Variants in GPR27 observed in about 807,000 individuals in gnomAD.
GPR27 encodes probable G protein-coupled receptor 27.
GPR27 carries 3 observed loss-of-function variants against 2.4 expected under a neutral mutation model. The observed-to-expected ratio is 1.23, with a 90% confidence interval of 0.56 to 3.18. The LOEUF (loss-of-function observed/expected upper bound fraction) is 3.18. Among genes scored for constraint, GPR27 ranks in the 30% most tolerant of loss-of-function variants. The probability of loss-of-function intolerance (pLI) is 0.03; values close to 1 mark genes in which losing one functional copy is unlikely to be tolerated. For synonymous variants in GPR27, 367 were observed against 296.4 expected, an observed-to-expected ratio of 1.24 and a Z score of -2.45; for missense variants, 526 against 566.1, an observed-to-expected ratio of 0.93 and a Z score of 0.72.
Position 71,754,908 on chromosome 3 carries a change from T to G in GPR27, c.859T>G (p.Tyr287Asp). Residue 287 changes from tyrosine to aspartate, a missense_variant, in exon 1 of 1, where the codon TAC becomes GAC. By Grantham distance (160) the Tyr-to-Asp change is radical. This residue lies in a region of GPR27 where 98 missense variants were observed against 146.7 expected (regional missense o/e 0.67). Coordinates refer to ENST00000304411, the MANE Select transcript of GPR27 (RefSeq NM_018971.3). The surrounding 1 kb of genome is among the most constrained non-coding windows in gnomAD (Gnocchi z 5.8). ...KTEKRLCKMFYAVTLLFLLLW... is the reference protein window; with the variant it reads ...KTEKRLCKMFDAVTLLFLLLW... Reference sequence around the variant, plus strand: ...GGAGAAGAGGCTGTGCAAGATGTTCTACGCCGTCACGCTGCTCTTCCTGCT... The same window carrying G: ...GGAGAAGAGGCTGTGCAAGATGTTCGACGCCGTCACGCTGCTCTTCCTGCT... 1 of 1,613,352 alleles carries G rather than the reference T, an allele frequency of 6.2e-7. No homozygotes were observed. Among genetic ancestry groups the G allele is most frequent in the Non-Finnish European group, 8.5e-7 (1 of 1,179,766 alleles).
At position 71,755,995 on chromosome 3, in the gene GPR27, T is replaced by C. The variant is rs894857751; in HGVS notation, c.*818T>C. On this transcript the variant is annotated 3_prime_UTR_variant, in exon 1 of 1. Transcript: ENST00000304411. ...ATGTGGAGAAAAATACAGTATTGCATGTGTTCGTGTGTATAGATTGTGGTT... is the reference window on the plus strand; with the variant it reads ...ATGTGGAGAAAAATACAGTATTGCACGTGTTCGTGTGTATAGATTGTGGTT... 1 of 152,194 alleles carries C rather than the reference T, an allele frequency of 6.6e-6. No homozygotes were observed. The highest frequency in any genetic ancestry group is 1.5e-5 in the Non-Finnish European group (1 of 68,040). The allele number at this position is 152,194 out of a possible 1,614,324, so 9.4% of individuals were successfully genotyped here.
chr3:71,755,130 A>G lies in GPR27; in HGVS notation c.1081A>G (p.Thr361Ala). The change falls in exon 1 of 1, where the codon ACC becomes GCC. Residue 361 changes from threonine (T) to alanine (A), a missense_variant. Transcript: ENST00000304411. ...AQFPCCQSPR[T>A]TQATHPCDLK... ...GTTCCCCTGCTGCCAGAGCCCCCGG[A>G]CCACCCAGGCGACCCATCCCTGCGA... 6.2e-7 allele frequency: 1 copy of G among 1,608,892 alleles called. No individual in the cohort carries two copies. Among genetic ancestry groups the G allele is most frequent in the Non-Finnish European group, 8.5e-7 (1 of 1,179,660 alleles).
chr3:71,754,008 G>A lies in GPR27; in HGVS notation c.-42G>A. 1 of 1,089,082 alleles carries A rather than the reference G, an allele frequency of 9.2e-7. No individual in the cohort carries two copies. The highest frequency in any genetic ancestry group is 1.1e-6 in the Non-Finnish European group (1 of 897,278). The allele number at this position is 1,089,082 out of a possible 1,614,324, so 67.5% of individuals were successfully genotyped here. ...GCGGCCTGCGGGAGCGGCGAGGCAG[G>A]GGACGGCCCCGGGGCGGAGCGCACG... On this transcript the variant is annotated 5_prime_UTR_variant, in exon 1 of 1. Coordinates refer to ENST00000304411, the MANE Select transcript of GPR27 (RefSeq NM_018971.3). This position sits in a 1 kb window ranked among gnomAD's most constrained non-coding sequence, Gnocchi z 5.8.
At position 71,754,814 on chromosome 3, in the gene GPR27, T is replaced by C; in HGVS notation, c.765T>C (p.Leu255=). The C allele has an allele frequency of 6.7e-7, 1 of 1,489,644 alleles. No homozygotes were observed. Among genetic ancestry groups the C allele is most frequent in the Non-Finnish European group, 8.9e-7 (1 of 1,119,258 alleles). The allele number at this position is 1,489,644 out of a possible 1,614,324, so 92.3% of individuals were successfully genotyped here. ...GCCGCGGGCCCACGCCGCCCGCGCT[T>C]GTGGGCATCCGGCCCGCAGGGCCGG... ...GFGRGPTPPA[L]VGIRPAGPGR... The change falls in exon 1 of 1, where the codon CTT becomes CTC. Residue 255 remains leucine, a synonymous_variant. Coordinates refer to ENST00000304411, the MANE Select transcript of GPR27 (RefSeq NM_018971.3). The surrounding 1 kb of genome is among the most constrained non-coding windows in gnomAD (Gnocchi z 5.8).
Position 71,756,066 on chromosome 3 carries a change from G to T in GPR27, c.*889G>T, listed in dbSNP as rs903809736. Reference sequence around the variant, plus strand: ...AGAAGCAGAGTACTACATCAAAATTGTTTTAAGTATTTTTTGCCAATAAAA... The same window carrying T: ...AGAAGCAGAGTACTACATCAAAATTTTTTTAAGTATTTTTTGCCAATAAAA... On this transcript the variant is annotated 3_prime_UTR_variant, in exon 1 of 1. Coordinates refer to ENST00000304411, the MANE Select transcript of GPR27 (RefSeq NM_018971.3). 1 of 152,130 alleles carries T rather than the reference G, an allele frequency of 6.6e-6. No individual in the cohort carries two copies. Among genetic ancestry groups the T allele is most frequent in the East Asian group, 1.9e-4 (1 of 5,198 alleles). The allele number at this position is 152,130 out of a possible 1,614,324, so 9.4% of individuals were successfully genotyped here.
rs774620074 is a variant in GPR27, at chr3:71,755,018, C to T, written c.969C>T (p.Ser323=). Reference sequence around the variant, plus strand: ...TCCCCCAGGCCTACCTGACGGCCTCCGTGTGGCTGACCTTCGCGCAGGCCG... The same window carrying T: ...TCCCCCAGGCCTACCTGACGGCCTCTGTGTGGCTGACCTTCGCGCAGGCCG... ...GAVPQAYLTA[S]VWLTFAQAGI... Residue 323 remains serine (S), a synonymous_variant, in exon 1 of 1, where the codon TCC becomes TCT. Coordinates refer to ENST00000304411, the MANE Select transcript of GPR27 (RefSeq NM_018971.3). 4 of 1,613,130 alleles carry T rather than the reference C, an allele frequency of 2.5e-6. No homozygotes were observed. In the Admixed American group the frequency reaches 5.0e-5, roughly 20 times the overall value.
At position 71,754,740 on chromosome 3, in the gene GPR27, G is replaced by A. The variant is rs995110872; in HGVS notation, c.691G>A (p.Gly231Ser). The A allele has an allele frequency of 7.1e-6, 10 of 1,401,748 alleles. No individual in the cohort carries two copies. The Admixed American group carries it at 2.2e-4, about 31-fold the overall frequency. 86.8% of individuals were successfully genotyped at this position (1,401,748 alleles called of 1,614,324 possible). A position where few individuals can be genotyped will look rare whatever the true frequency, so the allele number is the denominator to read the frequency against. ...CGTCAGCCACGACTGGACCTTCCAC[G>A]GCCCGGGCGCCACCGGCCAGGCGGC... Reference protein sequence around the residue: ...PAVSHDWTFHGPGATGQAAAN... With the variant: ...PAVSHDWTFHSPGATGQAAAN... Residue 231 changes from glycine (G) to serine (S), a missense_variant, in exon 1 of 1, where the codon GGC becomes AGC. Gly to Ser is a moderately conservative substitution (Grantham distance 56). Around this residue, in one of 3 missense-constraint regions of GPR27, gnomAD observed 98 missense variants for 146.7 expected, o/e 0.67. Coordinates refer to ENST00000304411, the MANE Select transcript of GPR27 (RefSeq NM_018971.3). The surrounding 1 kb of genome is among the most constrained non-coding windows in gnomAD (Gnocchi z 5.8).
In GPR27 at chr3:71,755,428, C is replaced by CT; in HGVS notation, c.*256dup. On this transcript the variant is annotated 3_prime_UTR_variant, in exon 1 of 1. Coordinates refer to ENST00000304411, the MANE Select transcript of GPR27 (RefSeq NM_018971.3). ...TCTTCCTGACAATAGGCCCTGCAGT[C>CT]TTTTTGTAGCGGTACTGACGTCTTT... 1 of 518,926 alleles carries CT rather than the reference C, an allele frequency of 1.9e-6. No individual in the cohort carries two copies. Among genetic ancestry groups the CT allele is most frequent in the Non-Finnish European group, 3.4e-6 (1 of 293,390 alleles). 32.1% of individuals were successfully genotyped at this position (518,926 alleles called of 1,614,324 possible). A position where few individuals can be genotyped will look rare whatever the true frequency, so the allele number is the denominator to read the frequency against.
At position 71,754,792 on chromosome 3, in the gene GPR27, G is replaced by T; in HGVS notation, c.743G>T (p.Arg248Leu). 7.9e-7 allele frequency: 1 copy of T among 1,269,966 alleles called. No homozygotes were observed. The allele number at this position is 1,269,966 out of a possible 1,614,324, so 78.7% of individuals were successfully genotyped here. A position where few individuals can be genotyped will look rare whatever the true frequency, so the allele number is the denominator to read the frequency against. Residue 248 changes from arginine (R) to leucine (L), a missense_variant, in exon 1 of 1, where the codon CGC (arginine) becomes CTC (leucine). Coordinates refer to ENST00000304411, the MANE Select transcript of GPR27 (RefSeq NM_018971.3). The surrounding 1 kb of genome is among the most constrained non-coding windows in gnomAD (Gnocchi z 5.8). Reference protein sequence around the residue: ...AAANWTAGFGRGPTPPALVGI... With the variant: ...AAANWTAGFGLGPTPPALVGI... ...GCCAACTGGACGGCGGGCTTCGGCC[G>T]CGGGCCCACGCCGCCCGCGCTTGTG...
At position 71,754,991 on chromosome 3, in the gene GPR27, C is replaced by G; in HGVS notation, c.942C>G (p.Ala314=). ...SYLRVLVRPG[A]VPQAYLTASV... ...TGCGGGTCCTGGTGCGGCCCGGCGC[C>G]GTCCCCCAGGCCTACCTGACGGCCT... The change falls in exon 1 of 1, where the codon GCC becomes GCG. Residue 314 remains alanine (A), a synonymous_variant. Transcript: ENST00000304411. This position sits in a 1 kb window ranked among gnomAD's most constrained non-coding sequence, Gnocchi z 5.8. 1 of 1,613,240 alleles carries G rather than the reference C, an allele frequency of 6.2e-7. No homozygotes were observed. Among genetic ancestry groups the G allele is most frequent in the Non-Finnish European group, 8.5e-7 (1 of 1,179,896 alleles).
In GPR27 at chr3:71,754,061, G is replaced by T. The variant is rs1371158229; in HGVS notation, c.12G>T (p.Ala4=). The change falls in exon 1 of 1, where the codon GCG becomes GCT. Residue 4 remains alanine (A), a synonymous_variant. Transcript: ENST00000304411. This position sits in a 1 kb window ranked among gnomAD's most constrained non-coding sequence, Gnocchi z 5.8. MAN[A]SEPGGSGGGE... is the part of the protein sequence containing the mutation. ...CTGGTGAGGCCGCGATGGCGAACGCGAGCGAGCCGGGTGGCAGCGGCGGCG... is the reference window on the plus strand; with the variant it reads ...CTGGTGAGGCCGCGATGGCGAACGCTAGCGAGCCGGGTGGCAGCGGCGGCG... 10 of 1,281,076 alleles carry T rather than the reference G, an allele frequency of 7.8e-6. No homozygotes were observed. Among genetic ancestry groups the T allele is most frequent in the Non-Finnish European group, 1.0e-5 (10 of 1,002,590 alleles). 79.4% of individuals were successfully genotyped at this position (1,281,076 alleles called of 1,614,324 possible).
rs1198408162 is a variant in GPR27, at chr3:71,756,412, T to A, written c.*1235T>A. 6.6e-6 allele frequency: 1 copy of A among 152,246 alleles called. No individual in the cohort carries two copies. Among genetic ancestry groups the A allele is most frequent in the Non-Finnish European group, 1.5e-5 (1 of 68,040 alleles). The allele number at this position is 152,246 out of a possible 1,614,324, so 9.4% of individuals were successfully genotyped here. A position where few individuals can be genotyped will look rare whatever the true frequency, so the allele number is the denominator to read the frequency against. On this transcript the variant is annotated 3_prime_UTR_variant, in exon 1 of 1. Transcript: ENST00000304411. ...ATATTTTTGGCTTATAATGCTACATTTTTATTAATGTACCTTCCGTTTTGA... is the reference window on the plus strand; with the variant it reads ...ATATTTTTGGCTTATAATGCTACATATTTATTAATGTACCTTCCGTTTTGA...
Position 71,754,121 on chromosome 3 carries a change from G to C in GPR27, c.72G>C (p.Thr24=). Residue 24 remains threonine (T), a synonymous_variant, in exon 1 of 1, where the codon ACG becomes ACC. Transcript: ENST00000304411. The surrounding 1 kb of genome is among the most constrained non-coding windows in gnomAD (Gnocchi z 5.8). ...EAAALGLKLA[T]LSLLLCVSLA... ...CCGCCCTGGGCCTCAAGCTGGCCACGCTCAGCCTGCTGCTGTGCGTGAGCC... is the reference window on the plus strand; with the variant it reads ...CCGCCCTGGGCCTCAAGCTGGCCACCCTCAGCCTGCTGCTGTGCGTGAGCC... 1 of 1,428,926 alleles carries C rather than the reference G, an allele frequency of 7.0e-7. No homozygotes were observed. Among genetic ancestry groups the C allele is most frequent in the Middle Eastern group, 2.5e-4 (1 of 3,974 alleles). The allele number at this position is 1,428,926 out of a possible 1,614,324, so 88.5% of individuals were successfully genotyped here.
At position 71,755,421 on chromosome 3, in the gene GPR27, C is replaced by G. The variant is rs968766509; in HGVS notation, c.*244C>G. ...TCGACTTTCTTCCTGACAATAGGCC[C>G]TGCAGTCTTTTTGTAGCGGTACTGA... On this transcript the variant is annotated 3_prime_UTR_variant, in exon 1 of 1. Transcript: ENST00000304411. The G allele has an allele frequency of 1.3e-5, 7 of 530,726 alleles. No homozygotes were observed. Among genetic ancestry groups the G allele is most frequent in the Non-Finnish European group, 2.3e-5 (7 of 300,226 alleles). The allele number at this position is 530,726 out of a possible 1,614,324, so 32.9% of individuals were successfully genotyped here.
At position 71,754,169 on chromosome 3, in the gene GPR27, G is replaced by T. The variant is rs1286436932; in HGVS notation, c.120G>T (p.Ala40=). The T allele has an allele frequency of 6.9e-7, 1 of 1,453,134 alleles. No individual in the cohort carries two copies. Among genetic ancestry groups the T allele is most frequent in the Non-Finnish European group, 9.1e-7 (1 of 1,093,520 alleles). The allele number at this position is 1,453,134 out of a possible 1,614,324, so 90.0% of individuals were successfully genotyped here. ...CVSLAGNVLF[A]LLIVRERSLH... Reference sequence around the variant, plus strand: ...GCCTAGCGGGCAACGTGCTGTTCGCGCTGCTGATCGTGCGGGAGCGCAGCC... The same window carrying T: ...GCCTAGCGGGCAACGTGCTGTTCGCTCTGCTGATCGTGCGGGAGCGCAGCC... The change falls in exon 1 of 1, where the codon GCG becomes GCT. Residue 40 remains alanine, a synonymous_variant. Coordinates refer to ENST00000304411, the MANE Select transcript of GPR27 (RefSeq NM_018971.3). This position sits in a 1 kb window ranked among gnomAD's most constrained non-coding sequence, Gnocchi z 5.8.
chr3:71,755,245 T>A lies in GPR27; in HGVS notation c.*68T>A, dbSNP rs768112590. 8.0e-7 allele frequency: 1 copy of A among 1,253,544 alleles called. No individual in the cohort carries two copies. Among genetic ancestry groups the A allele is most frequent in the Middle Eastern group, 1.9e-4 (1 of 5,144 alleles). The allele number at this position is 1,253,544 out of a possible 1,614,324, so 77.7% of individuals were successfully genotyped here. On this transcript the variant is annotated 3_prime_UTR_variant, in exon 1 of 1. Transcript: ENST00000304411. Reference sequence around the variant, plus strand: ...TGGCTCGGACGGTGACGTTGTATCTTTTCCTTCTGGCCCCTGTTTAATTTT... The same window carrying A: ...TGGCTCGGACGGTGACGTTGTATCTATTCCTTCTGGCCCCTGTTTAATTTT...
Position 71,755,148 on chromosome 3 carries a change from C to G in GPR27, c.1099C>G (p.Pro367Ala). 6.2e-7 allele frequency: 1 copy of G among 1,607,126 alleles called. No individual in the cohort carries two copies. The highest frequency in any genetic ancestry group is 8.5e-7 in the Non-Finnish European group (1 of 1,179,146). ...CCCCCGGACCACCCAGGCGACCCAT[C>G]CCTGCGACCTGAAAGGCATTGGTTT... is the stretch of plus-strand genomic sequence containing the variant. Reference protein sequence around the residue: ...QSPRTTQATHPCDLKGIGL With the variant: ...QSPRTTQATHACDLKGIGL The change falls in exon 1 of 1, where the codon CCC becomes GCC. Residue 367 changes from proline (P) to alanine (A), a missense_variant. Pro to Ala is a conservative substitution (Grantham distance 27, BLOSUM62 -1). Transcript: ENST00000304411.
rs1296536419 is a variant in GPR27, at chr3:71,753,941, G to C, written c.-109G>C. 9.9e-7 allele frequency: 1 copy of C among 1,014,984 alleles called. No homozygotes were observed. Among genetic ancestry groups the C allele is most frequent in the South Asian group, 4.5e-5 (1 of 22,372 alleles). The allele number at this position is 1,014,984 out of a possible 1,614,324, so 62.9% of individuals were successfully genotyped here. A position where few individuals can be genotyped will look rare whatever the true frequency, so the allele number is the denominator to read the frequency against. On this transcript the variant is annotated 5_prime_UTR_variant, in exon 1 of 1. Coordinates refer to ENST00000304411, the MANE Select transcript of GPR27 (RefSeq NM_018971.3). ...GAGCGGGCTGAGCCCCGCAGGACGG[G>C]GAGCTCGCCCAGGGCCGGCGGAGCG... is the stretch of plus-strand genomic sequence containing the variant.
rs2049974583 is a variant in GPR27 at position 71,754,229 on chromosome 3, G to A, written c.180G>A (p.Leu60=). The change falls in exon 1 of 1, where the codon CTG becomes CTA. Residue 60 remains leucine, a synonymous_variant. Transcript: ENST00000304411. This position sits in a 1 kb window ranked among gnomAD's most constrained non-coding sequence, Gnocchi z 5.8. ...CCCCGTACTACCTGCTGCTCGACCT[G>A]TGCCTGGCCGACGGGCTGCGCGCGC... ...HRAPYYLLLD[L]CLADGLRALA... is the part of the protein sequence containing the mutation. The A allele has an allele frequency of 4.5e-6, 6 of 1,334,304 alleles. No individual in the cohort carries two copies. The highest frequency in any genetic ancestry group is 5.9e-6 in the Non-Finnish European group (6 of 1,024,934). 82.7% of individuals were successfully genotyped at this position (1,334,304 alleles called of 1,614,324 possible).
Sources: gnomAD v4.1 joint callset for allele counts on GRCh38, gnomAD v4.1.1 for gene constraint, gnomAD v4.1.1 regional missense constraint, Gnocchi (gnomAD v3.1) non-coding constraint, MANE v1.5 for transcripts, NCBI Gene and HGNC (gene_info 2026-07-23, HGNC 2026-07-21) for gene names.